Variants in GABRR2 observed in about 807,000 individuals in gnomAD.
GABRR2 encodes the protein gamma-aminobutyric acid type A receptor subunit rho2.
A neutral mutation model predicts 47.0 loss-of-function variants in GABRR2; 36 were observed. The observed-to-expected ratio is 0.77, with a 90% CI of 0.59 to 1.01. GABRR2 has a LOEUF of 1.01. Ranked by LOEUF, GABRR2 falls within the 50% of genes least tolerant of loss-of-function variation. The pLI is 0.00. For synonymous variants in GABRR2, 204 were observed against 227.5 expected (o/e 0.90, Z 0.93); for missense variants, 587 against 594.6 (o/e 0.99, Z 0.13).
chr6:89,285,031 C>T (rs900117958), intron 2 of GABRR2, among the ~76,000 whole-genome samples: 5 of 152,200 alleles, frequency 3.3e-5, no homozygotes, highest in African/African-American at 7.2e-5. Flanking sequence ...TCTGTGAAAA[C>T]GAGTTTGCCT....
At chr6:89,267,862 T>C in intron 5 of GABRR2, 43 bp from the exon 6 acceptor site, 1 of 1,603,494 alleles carries the variant, frequency 6.2e-7, no homozygotes, top group African/African-American at 1.3e-5. Flanking sequence ...CCTTCGCTTC[T>C]GATGCAGGGT....
chr6:89,263,795 T>C (rs1263305269), intron 8 of GABRR2, among the ~76,000 whole-genome samples: 1 of 152,244 alleles, frequency 6.6e-6, no homozygotes, highest in Non-Finnish European at 1.5e-5. Flanking sequence ...AGTGCTGGGA[T>C]TATAGGCGTG....
intron 1 of GABRR2, chr6:89,302,632 C>T: frequency 1.6e-6 from 2 of 1,264,972 alleles, no homozygotes; most frequent in Non-Finnish European, 2.2e-6. Flanking sequence ...CCCGAGCTCA[C>T]CCCTCAGATG....
rs35301635 is a variant in GABRR2, at chr6:89,299,844, A to G, written c.135T>C (p.Leu45=). 2,547 of 1,613,234 alleles carry G rather than the reference A, an allele frequency of 1.6e-3. 7 individuals are homozygous for G. Among genetic ancestry groups the G allele is most frequent in the Non-Finnish European group, 1.9e-3 (2,228 of 1,179,172 alleles). ...TTCCCTTCCGGATCTTGGTCACATC[A>G]AGGTTCTTCTTATATAAGTGACTGT... ...PKPSHLYKKN[L]DVTKIRKGKP... is the part of the protein sequence containing the mutation. Residue 45 remains leucine (L), a synonymous_variant, in exon 2 of 9, where the codon CTT becomes CTC. Transcript: ENST00000402938.
chr6:89,300,963 T>C (rs539215251), intron 1 of GABRR2, among the ~76,000 whole-genome samples: 8 of 152,198 alleles, frequency 5.3e-5, no homozygotes, highest in African/African-American at 1.4e-4. Context: ...GCCAATATCC[T>C]TGATGAACAT....
At chr6:89,303,051 C>A in intron 1 of GABRR2, 1 of 998,628 alleles carries the variant, frequency 1.0e-6, no homozygotes, top group Non-Finnish European at 1.5e-6. Flanking sequence ...ACTCCATGGC[C>A]CAGGAGGAGG....
At chr6:89,265,193 G>A (rs985032678) in intron 7 of GABRR2, among the ~76,000 whole-genome samples, 1 of 152,142 alleles carries the variant, frequency 6.6e-6, no homozygotes, top group Non-Finnish European at 1.5e-5. Flanking sequence ...TCGAGGGAAC[G>A]TGGTCCTCCT....
chr6:89,269,368 T>A, intron 3 of GABRR2, 134 bp from the exon 4 acceptor site: 1 of 697,984 alleles, frequency 1.4e-6, no homozygotes, highest in South Asian at 1.7e-5. Context: ...TCTGCAGCCC[T>A]GTGGCAGGAT....
intron 1 of GABRR2, among the ~76,000 whole-genome samples, chr6:89,310,042 C>T (rs1316907026): frequency 6.7e-6 from 1 of 150,136 alleles, no homozygotes; most frequent in Non-Finnish European, 1.5e-5. Flanking sequence ...GCTGGGATTA[C>T]AGGCATGAGA....
At chr6:89,294,568 G>T (rs1774524664) in intron 2 of GABRR2, among the ~76,000 whole-genome samples, 1 of 152,020 alleles carries the variant, frequency 6.6e-6, no homozygotes, top group African/African-American at 2.4e-5. Flanking sequence ...CAAATGACCT[G>T]CTTAGTATGG....
At position 89,299,762 on chromosome 6, in the gene GABRR2, C is replaced by T. The variant is rs146725508; in HGVS notation, c.217G>A (p.Gly73Arg). The stretch of plus-strand genomic sequence containing the variant: ...CATCAAGGAAGAACAGTCCTACCTC[C>T]GAAGGCGGGTCTCATGCTGAAGTCG... ...EHDFSMRPAFGGPAIPVGVDV... is the reference protein window; with the variant it reads ...EHDFSMRPAFRGPAIPVGVDV... The change falls in exon 2 of 9, where the codon GGA (glycine) becomes AGA (arginine). Residue 73 changes from glycine (G) to arginine (R), a missense_variant. Coordinates refer to ENST00000402938, the MANE Select transcript of GABRR2 (RefSeq NM_002043.5). 5 of 1,612,028 alleles carry T rather than the reference C, an allele frequency of 3.1e-6. No homozygotes were observed. Among genetic ancestry groups the T allele is most frequent in the Admixed American group, 1.7e-5 (1 of 60,020 alleles).
chr6:89,258,515 GGGC>G (rs1773660543), intron 8 of GABRR2, among the ~76,000 whole-genome samples: 1 of 149,850 alleles, frequency 6.7e-6, no homozygotes, highest in Non-Finnish European at 1.5e-5. Context: ...AGACCAGCCT[GGGC>G]AACATAGTGA....
intron 2 of GABRR2, among the ~76,000 whole-genome samples, chr6:89,292,868 C>CG (rs1326112248): frequency 3.9e-5 from 5 of 127,552 alleles, no homozygotes; most frequent in Admixed American, 1.6e-4. Context: ...TATTATATAT[C>CG]TATATATCAT....
intron 2 of GABRR2, among the ~76,000 whole-genome samples, chr6:89,282,790 C>T (rs73503958): frequency 6.6e-6 from 1 of 152,190 alleles, no homozygotes; most frequent in Non-Finnish European, 1.5e-5. Flanking sequence ...GGCTTCAGAC[C>T]GAAGTGGAGA....
rs139640329 is a variant in GABRR2, at chr6:89,308,113, C to A, written c.113+6940G>T. Among the ~76,000 whole-genome samples, 1,257 of 152,306 alleles carry A rather than the reference C, an allele frequency of 8.3e-3. 8 individuals are homozygous for A. The highest frequency in any genetic ancestry group is 0.014 in the Non-Finnish European group (981 of 68,034). ...TACAGGCATGAGCCACCGCGCTCGG[C>A]CTTCATTCACTTTTGAGGGCAACAG... On this transcript the variant is annotated intron_variant, in intron 1 of 8. Coordinates refer to ENST00000402938, the MANE Select transcript of GABRR2 (RefSeq NM_002043.5).
chr6:89,288,819 T>G (rs1401199153), intron 2 of GABRR2, among the ~76,000 whole-genome samples: 1 of 151,982 alleles, frequency 6.6e-6, no homozygotes, highest in African/African-American at 2.4e-5. Context: ...TTTTAAAAAA[T>G]TATTTTTTTA....
chr6:89,281,364 C>CA (rs113358184), intron 2 of GABRR2, among the ~76,000 whole-genome samples: 8,527 of 152,232 alleles, frequency 0.056, 774 homozygotes, highest in African/African-American at 0.19. Context: ...GAACATTTCA[C>CA]ACAAGAGACA....
chr6:89,283,901 T>C (rs117352522), intron 2 of GABRR2, among the ~76,000 whole-genome samples: 1 of 152,328 alleles, frequency 6.6e-6, no homozygotes, highest in East Asian at 1.9e-4. Flanking sequence ...TCTTCAACTA[T>C]TTGAAGGATA....
intron 1 of GABRR2, among the ~76,000 whole-genome samples, chr6:89,303,327 C>A (rs557836183): frequency 6.7e-4 from 102 of 152,270 alleles, no homozygotes; most frequent in Non-Finnish European, 9.1e-4. Flanking sequence ...TGTCTTATTG[C>A]AGCTCCAGGC....
Sources: gnomAD v4.1 joint callset for allele counts (sites outside exome capture counted in the v4.1 genomes callset) on GRCh38, gnomAD v4.1.1 for gene constraint, MANE v1.5 for transcripts, NCBI Gene and HGNC (gene_info 2026-07-23, HGNC 2026-07-21) for gene names.